Variants in DENR observed in about 807,000 individuals in gnomAD.
DENR encodes the protein density-regulated protein.
Under a neutral mutation model 30.6 loss-of-function variants are expected in DENR, and 6 were observed. The observed-to-expected ratio is 0.20, with a 90% CI of 0.11 to 0.39. DENR has a LOEUF of 0.39. Ranked by LOEUF, DENR falls within the 10% of genes least tolerant of loss-of-function variation. DENR has a pLI of 1.00. For missense variants in DENR, 141 were observed against 230.9 expected, an observed-to-expected ratio of 0.61 and a Z score of 2.52; for synonymous variants, 78 against 72.1, an observed-to-expected ratio of 1.08 and a Z score of -0.41.
At chr12:122,753,631 C>T in intron 1 of DENR, 62 bp from the exon 2 acceptor site, 1 of 1,308,890 alleles carries the variant, frequency 7.6e-7, no homozygotes, top group Non-Finnish European at 1.1e-6. Flanking sequence ...TTGAGAGGAA[C>T]ACTGCTCTTC....
Position 122,766,499 on chromosome 12 carries a change from C to G in DENR, c.296-989C>G, listed in dbSNP as rs539062594. The stretch of plus-strand genomic sequence containing the variant: ...TGCTGCCCAGTATGCACTTAAAATT[C>G]CCAAATCTGTATATCTGGATCTGGC... On this transcript the variant is annotated intron_variant, in intron 5 of 7. Coordinates refer to ENST00000280557, the MANE Select transcript of DENR (RefSeq NM_003677.5). Among the ~76,000 whole-genome samples, 328 of 152,276 alleles carry G rather than the reference C, an allele frequency of 2.2e-3. 1 individual carries two copies. Among genetic ancestry groups the G allele is most frequent in the African/African-American group, 7.6e-3 (314 of 41,552 alleles).
intron 2 of DENR, among the ~76,000 whole-genome samples, chr12:122,756,218 G>A (rs370952140): frequency 3.9e-5 from 6 of 152,206 alleles, no homozygotes; most frequent in African/African-American, 1.4e-4. Flanking sequence ...GGAGGCCAAG[G>A]TGGGTGGATC....
intron 2 of DENR, 90 bp downstream of exon 2, chr12:122,753,897 A>G: frequency 9.2e-7 from 1 of 1,084,290 alleles, no homozygotes; most frequent in Non-Finnish European, 1.4e-6. Flanking sequence ...TTTCTTCCCC[A>G]TCCTTTTCAT....
chr12:122,765,510 AGGG>A, intron 5 of DENR, 123 bp downstream of exon 5: 1 of 774,534 alleles, frequency 1.3e-6, no homozygotes, highest in Non-Finnish European at 2.1e-6. Context: ...ACAGCTTCTT[AGGG>A]GGCTGAGGCA....
At chr12:122,762,240 A>G (rs1481827331) in intron 3 of DENR, 34 bp downstream of exon 3, 13 of 1,319,632 alleles carry the variant, frequency 9.9e-6, no homozygotes, top group Non-Finnish European at 1.2e-5. Flanking sequence ...TACCTTATGT[A>G]TTTGAAGTTA....
In DENR at chr12:122,770,383, G is replaced by T. The variant is rs76920270; in HGVS notation, c.*1305G>T. 1 of 377,032 alleles carries T rather than the reference G, an allele frequency of 2.7e-6. No individual in the cohort carries two copies. The highest frequency in any genetic ancestry group is 3.8e-5 in the East Asian group (1 of 26,168). The allele number at this position is 377,032 out of a possible 1,614,324, so 23.4% of individuals were successfully genotyped here. On this transcript the variant is annotated 3_prime_UTR_variant, in exon 8 of 8. Transcript: ENST00000280557. ...ATTATTTGGAAGCATGTTTGGTAAT[G>T]TCAAGTGGAGTACCCCAGATACATT...
chr12:122,764,308 T>C (rs1219407301), intron 4 of DENR, among the ~76,000 whole-genome samples: 1 of 152,078 alleles, frequency 6.6e-6, no homozygotes, highest in Non-Finnish European at 1.5e-5. Flanking sequence ...CTGCTAAGAA[T>C]AGACCAAAGA....
intron 2 of DENR, chr12:122,754,074 G>T (rs1878485193): frequency 4.3e-6 from 2 of 464,060 alleles, no homozygotes; most frequent in Non-Finnish European, 8.0e-6. Context: ...GGTCCTCAAG[G>T]TGTATGCTAG....
intron 2 of DENR, among the ~76,000 whole-genome samples, chr12:122,754,721 C>G (rs536882281): frequency 2.6e-3 from 398 of 152,150 alleles, no homozygotes; most frequent in African/African-American, 8.9e-3. Flanking sequence ...TACTTTTGCA[C>G]CAACCTAATC....
chr12:122,765,147 A>T (rs544080729), intron 4 of DENR, among the ~76,000 whole-genome samples, 157 bp from the exon 5 acceptor site: 1 of 152,362 alleles, frequency 6.6e-6, no homozygotes, highest in Admixed American at 6.5e-5. Flanking sequence ...ACTAGACTTG[A>T]ATAGAAATCT....
chr12:122,768,314 A>G (rs889046649), intron 6 of DENR: 5 of 153,098 alleles, frequency 3.3e-5, no homozygotes, highest in Admixed American at 2.0e-4. Context: ...CCTGGCCAAC[A>G]TGGTGAAACC....
At position 122,762,169 on chromosome 12, in the gene DENR, T is replaced by G; in HGVS notation, c.107-18T>G. On this transcript the variant is annotated intron_variant, in intron 2 of 7. Transcript: ENST00000280557. ...ATAGGTTTAACATTTCAAATCTTTTTTCTTTTTACTTCCTCAGTCTGTTCA... is the reference window on the plus strand; with the variant it reads ...ATAGGTTTAACATTTCAAATCTTTTGTCTTTTTACTTCCTCAGTCTGTTCA... The G allele has an allele frequency of 7.1e-7, 1 of 1,411,574 alleles. No individual in the cohort carries two copies. 87.4% of individuals were successfully genotyped at this position (1,411,574 alleles called of 1,614,324 possible).
chr12:122,762,064 A>G, intron 2 of DENR, 123 bp from the exon 3 acceptor site: 2 of 628,822 alleles, frequency 3.2e-6, no homozygotes, highest in Non-Finnish European at 5.1e-6. Context: ...AGTGGTATAG[A>G]AAACTTATAG....
At position 122,767,457 on chromosome 12, in the gene DENR, C is replaced by T. The variant is rs1199018707; in HGVS notation, c.296-31C>T. ...CAGTATTCTCTTATGTCAAAAACAA[C>T]TAAAGCTAAGCTCTTTCTTAATAAA... On this transcript the variant is annotated intron_variant, in intron 5 of 7. Transcript: ENST00000280557. 8.7e-6 allele frequency: 12 copies of T among 1,373,148 alleles called. No homozygotes were observed. The East Asian group carries it at 3.1e-4, about 35-fold the overall frequency. 85.1% of individuals were successfully genotyped at this position (1,373,148 alleles called of 1,614,324 possible). A position where few individuals can be genotyped will look rare whatever the true frequency, so the allele number is the denominator to read the frequency against.
At chr12:122,753,153 G>T (rs1268553354) in intron 1 of DENR, among the ~76,000 whole-genome samples, 1 of 152,120 alleles carries the variant, frequency 6.6e-6, no homozygotes, top group Non-Finnish European at 1.5e-5. Context: ...TTCTGCGCTC[G>T]TTTTCTCTCC....
chr12:122,754,656 G>A (rs1048309497), intron 2 of DENR, among the ~76,000 whole-genome samples: 12 of 152,116 alleles, frequency 7.9e-5, no homozygotes, highest in African/African-American at 2.2e-4. Flanking sequence ...TTTAAGTACC[G>A]TAGAAGGAGA....
intron 2 of DENR, among the ~76,000 whole-genome samples, chr12:122,758,849 TA>T (rs1201514921): frequency 0.082 from 3,254 of 39,676 alleles, 160 homozygotes; most frequent in African/African-American, 0.19. Flanking sequence ...ATTTTTTATT[TA>T]TTTATTTTTT....
At chr12:122,767,001 A>G (rs895240187) in intron 5 of DENR, among the ~76,000 whole-genome samples, 10 of 152,174 alleles carry the variant, frequency 6.6e-5, no homozygotes, top group Non-Finnish European at 1.5e-4. Context: ...GCCTTTTCTT[A>G]TCTCTGTACT....
chr12:122,757,664 T>C (rs1201970005), intron 2 of DENR, among the ~76,000 whole-genome samples: 1 of 152,198 alleles, frequency 6.6e-6, no homozygotes, highest in Non-Finnish European at 1.5e-5. Flanking sequence ...AATAGGTGTT[T>C]GCTGAAAAGA....
Sources: gnomAD v4.1 joint callset for allele counts (sites outside exome capture counted in the v4.1 genomes callset) on GRCh38, gnomAD v4.1.1 for gene constraint, MANE v1.5 for transcripts, NCBI Gene and HGNC (gene_info 2026-07-23, HGNC 2026-07-21) for gene names.